SULT4A1: variants seen among roughly 807,000 people sequenced by gnomAD.
The protein encoded by SULT4A1 is sulfotransferase family 4A member 1.
In SULT4A1, 11 loss-of-function variants were observed where a neutral mutation model predicts 35.2. The observed-to-expected ratio is 0.31, with a 90% CI of 0.20 to 0.52. SULT4A1 has a LOEUF of 0.52. Ranked by LOEUF, SULT4A1 falls within the 20% of genes least tolerant of loss-of-function variation. The pLI is 0.97. For missense variants in SULT4A1, 271 were observed against 383.7 expected (o/e 0.71, Z 2.45); for synonymous variants, 152 against 151.8 (o/e 1.00, Z -0.01).
At position 43,842,054 on chromosome 22, in the gene SULT4A1, C is replaced by G. The variant is rs2063435060; in HGVS notation, c.170-122G>C. On this transcript the variant is annotated intron_variant, in intron 1 of 6. Transcript: ENST00000330884. ...GAGCCCCAGGTGGGGCCCAGGGCGACTGAGTCTGGGAAGAGGAGCGCGCCC... is the reference window on the plus strand; with the variant it reads ...GAGCCCCAGGTGGGGCCCAGGGCGAGTGAGTCTGGGAAGAGGAGCGCGCCC... 5 of 1,427,188 alleles carry G rather than the reference C, an allele frequency of 3.5e-6. No individual in the cohort carries two copies. The East Asian group carries it at 1.3e-4, about 36-fold the overall frequency. The allele number at this position is 1,427,188 out of a possible 1,614,324, so 88.4% of individuals were successfully genotyped here. A position where few individuals can be genotyped will look rare whatever the true frequency, so the allele number is the denominator to read the frequency against.
rs1048459451 is a variant in SULT4A1, at chr22:43,826,308, C to T, written c.743-195G>A. ...CTAACATTTGTGAAACTACTGGATG[C>T]GGCAGAACATGACCTGAACCAGCTT... On this transcript the variant is annotated intron_variant, in intron 6 of 6. Coordinates refer to ENST00000330884, the MANE Select transcript of SULT4A1 (RefSeq NM_014351.4). The T allele has an allele frequency of 1.4e-5, 14 of 985,266 alleles. No homozygotes were observed. In the East Asian group the frequency reaches 3.4e-4, roughly 24 times the overall value. The allele number at this position is 985,266 out of a possible 1,614,324, so 61.0% of individuals were successfully genotyped here. A position where few individuals can be genotyped will look rare whatever the true frequency, so the allele number is the denominator to read the frequency against.
At chr22:43,842,046 C>A in intron 1 of SULT4A1, 114 bp from the exon 2 acceptor site, 1 of 1,445,486 alleles carries the variant, frequency 6.9e-7, no homozygotes. Context: ...AGGTGGGGCC[C>A]AGGGCGACTG....
chr22:43,827,517 G>A lies in SULT4A1; in HGVS notation c.743-1404C>T, dbSNP rs1415476721. On this transcript the variant is annotated intron_variant, in intron 6 of 6. Coordinates refer to ENST00000330884, the MANE Select transcript of SULT4A1 (RefSeq NM_014351.4). Reference sequence around the variant, plus strand: ...GCTCGTCAGAGGAGTCACCCACCTGGTTTAGGATTTGGAATCAAGACAATT... The same window carrying A: ...GCTCGTCAGAGGAGTCACCCACCTGATTTAGGATTTGGAATCAAGACAATT... 3.0e-6 allele frequency: 4 copies of A among 1,347,382 alleles called. No homozygotes were observed. In the African/African-American group the frequency reaches 5.9e-5, roughly 20 times the overall value. 83.5% of individuals were successfully genotyped at this position (1,347,382 alleles called of 1,614,324 possible). A position where few individuals can be genotyped will look rare whatever the true frequency, so the allele number is the denominator to read the frequency against.
chr22:43,841,127 C>T (rs547530477), intron 2 of SULT4A1, among the ~76,000 whole-genome samples: 11 of 152,344 alleles, frequency 7.2e-5, no homozygotes, highest in South Asian at 2.1e-4. Flanking sequence ...TGGTTCCGCA[C>T]GGACAAGGAG....
In SULT4A1 at chr22:43,844,289, C is replaced by A. The variant is rs572849899; in HGVS notation, c.170-2357G>T. ...TAAGACTGTGGGGAGATGTGGCCAA[C>A]GGGAAGAGCCTGGGCAAGCCCAGCG... On this transcript the variant is annotated intron_variant, in intron 1 of 6. Coordinates refer to ENST00000330884, the MANE Select transcript of SULT4A1 (RefSeq NM_014351.4). Among the ~76,000 whole-genome samples the A allele has an allele frequency of 2.0e-5, 3 of 152,316 alleles. No individual in the cohort carries two copies. The South Asian group carries it at 6.2e-4, about 32-fold the overall frequency.
Position 43,862,239 on chromosome 22 carries a change from C to T in SULT4A1, c.144G>A (p.Val48=). 2 of 1,565,268 alleles carry T rather than the reference C, an allele frequency of 1.3e-6. No homozygotes were observed. The highest frequency in any genetic ancestry group is 1.7e-4 in the Middle Eastern group (1 of 5,802). ...IANFPVRPSD[V]WIVTYPKSGT... ...CGGACTTGGGGTAGGTGACGATCCA[C>T]ACGTCGCTGGGCCGCACCGGGAAGT... Residue 48 remains valine, a synonymous_variant, in exon 1 of 7, where the codon GTG becomes GTA. Coordinates refer to ENST00000330884, the MANE Select transcript of SULT4A1 (RefSeq NM_014351.4).
rs11542809 is a variant in SULT4A1, at chr22:43,840,002, G to C, written c.324C>G (p.Ile108Met). ...GAAAGCGGTAGGGCAGGTGGCTCTT[G>C]ATGAGGCGGGGAGAGGTCAGTTCCT... ...IIKELTSPRL[I>M]KSHLPYRFLP... Residue 108 changes from isoleucine to methionine, a missense_variant, in exon 3 of 7, where the codon ATC (isoleucine) becomes ATG (methionine). Coordinates refer to ENST00000330884, the MANE Select transcript of SULT4A1 (RefSeq NM_014351.4). The C allele has an allele frequency of 6.2e-7, 1 of 1,609,530 alleles. No homozygotes were observed. Among genetic ancestry groups the C allele is most frequent in the Non-Finnish European group, 8.5e-7 (1 of 1,178,290 alleles).
At chr22:43,848,256 GA>G (rs1309245478) in intron 1 of SULT4A1, among the ~76,000 whole-genome samples, 3 of 152,172 alleles carry the variant, frequency 2.0e-5, no homozygotes, top group Admixed American at 1.3e-4. Flanking sequence ...ATGACACGCA[GA>G]AGGGCCACAA....
Position 43,826,019 on chromosome 22 carries a change from C to T in SULT4A1, c.837G>A (p.Thr279=), listed in dbSNP as rs375290012. 2.0e-5 allele frequency: 32 copies of T among 1,613,860 alleles called. No homozygotes were observed. Among genetic ancestry groups the T allele is most frequent in the South Asian group, 1.3e-4 (12 of 91,038 alleles). Residue 279 remains threonine, a synonymous_variant, in exon 7 of 7, where the codon ACG becomes ACA. Transcript: ENST00000330884. ...YKQKMGKCDL[T]FDFYL is the part of the protein sequence containing the mutation. ...TCTGTTATTATAAATAAAAGTCAAA[C>T]GTGAGGTCACACTTTCCCATCTTCT...
chr22:43,844,313 C>T (rs2063457999), intron 1 of SULT4A1, among the ~76,000 whole-genome samples: 1 of 152,218 alleles, frequency 6.6e-6, no homozygotes, highest in Admixed American at 6.5e-5. Flanking sequence ...GCAAGCCCAG[C>T]GTGCCGTGCC....
At chr22:43,858,049 C>CAAAA (rs11362056) in intron 1 of SULT4A1, among the ~76,000 whole-genome samples, 41 of 91,738 alleles carry the variant, frequency 4.5e-4, no homozygotes, top group African/African-American at 1.7e-3. Flanking sequence ...GATCCTGTCT[C>CAAAA]AAAAAAAAAA....
chr22:43,837,545 C>T (rs2063387278), intron 4 of SULT4A1, among the ~76,000 whole-genome samples: 1 of 152,118 alleles, frequency 6.6e-6, no homozygotes, highest in Admixed American at 6.5e-5. Flanking sequence ...ACAGAAGGCC[C>T]AGAGCAGGCT....
chr22:43,827,616 A>T (rs1569502488), intron 6 of SULT4A1: 1 of 1,366,528 alleles, frequency 7.3e-7, no homozygotes, highest in Non-Finnish European at 9.8e-7. Flanking sequence ...ACTCAAGAAG[A>T]TCTTCCGAGC....
At chr22:43,827,333 A>T in intron 6 of SULT4A1, 1 of 985,482 alleles carries the variant, frequency 1.0e-6, no homozygotes. Context: ...CGTAACACGG[A>T]CTTTCTCTTT....
intron 1 of SULT4A1, among the ~76,000 whole-genome samples, chr22:43,855,157 GC>G (rs931483040): frequency 2.6e-4 from 39 of 152,324 alleles, no homozygotes; most frequent in African/African-American, 7.9e-4. Context: ...TGACCCCGGG[GC>G]TGGCACCACC....
chr22:43,831,241 T>A (rs2063323546), intron 5 of SULT4A1, among the ~76,000 whole-genome samples: 1 of 150,742 alleles, frequency 6.6e-6, no homozygotes, highest in South Asian at 2.3e-4. Context: ...AAAACTTCAG[T>A]CCATCATTGC....
In SULT4A1 at chr22:43,838,901, A is replaced by G; in HGVS notation, c.474T>C (p.Phe158=). The change falls in exon 4 of 7, where the codon TTT becomes TTC. Residue 158 remains phenylalanine, a synonymous_variant. Coordinates refer to ENST00000330884, the MANE Select transcript of SULT4A1 (RefSeq NM_014351.4). Reference sequence around the variant, plus strand: ...TCATAAACCTCCGGCAGAATTCTTGAAAGGTGCCTCGGTAGCTCATGGTCC... The same window carrying G: ...TCATAAACCTCCGGCAGAATTCTTGGAAGGTGCCTCGGTAGCTCATGGTCC... ...SLRTMSYRGT[F]QEFCRRFMND... is the part of the protein sequence containing the mutation. 3 of 1,614,200 alleles carry G rather than the reference A, an allele frequency of 1.9e-6. No homozygotes were observed. Among genetic ancestry groups the G allele is most frequent in the Non-Finnish European group, 2.5e-6 (3 of 1,180,016 alleles).
intron 5 of SULT4A1, among the ~76,000 whole-genome samples, chr22:43,830,744 C>T (rs544939556): frequency 7.9e-5 from 12 of 152,214 alleles, no homozygotes; most frequent in African/African-American, 2.2e-4. Context: ...GTGCCCGGCT[C>T]GTGGGAAAGG....
chr22:43,826,170 C>A, intron 6 of SULT4A1, 57 bp from the exon 7 acceptor site: 3 of 1,602,214 alleles, frequency 1.9e-6, no homozygotes, highest in Non-Finnish European at 2.6e-6. Context: ...AGCTACTGAA[C>A]TAAAGGAAGC....
Sources: gnomAD v4.1 joint callset for allele counts (sites outside exome capture counted in the v4.1 genomes callset) on GRCh38, gnomAD v4.1.1 for gene constraint, MANE v1.5 for transcripts, NCBI Gene and HGNC (gene_info 2026-07-23, HGNC 2026-07-21) for gene names.